The following NRXN1 variants were observed in gnomAD, a reference collection of about 807,000 sequenced individuals.
NRXN1 encodes the protein neurexin 1.
Under a neutral mutation model 150.9 loss-of-function variants are expected in NRXN1, and 39 were observed. That is an observed-to-expected ratio of 0.26 (90% CI 0.20 to 0.34). NRXN1 has a LOEUF of 0.34. NRXN1 is among the 10% of genes least tolerant of loss of function. NRXN1 has a pLI of 1.00. For missense variants in NRXN1, 1,815 were observed against 1,949.9 expected (o/e 0.93, Z 1.30); for synonymous variants, 924 against 757.0 (o/e 1.22, Z -3.62).
chr2:50,781,647 G>C (rs1218388634), intron 5 of NRXN1, among the ~76,000 whole-genome samples: 1 of 152,200 alleles, frequency 6.6e-6, no homozygotes, highest in Non-Finnish European at 1.5e-5. Flanking sequence ...ACTTTCTAAA[G>C]AGGTTATATA....
At chr2:50,565,190 G>A (rs1392464307) in intron 8 of NRXN1, among the ~76,000 whole-genome samples, 1 of 151,994 alleles carries the variant, frequency 6.6e-6, no homozygotes, top group Non-Finnish European at 1.5e-5. Flanking sequence ...ATAACTTTAG[G>A]AGAGAAGCAG....
chr2:50,229,208 G>A (rs183902026), intron 18 of NRXN1, among the ~76,000 whole-genome samples: 1 of 151,978 alleles, frequency 6.6e-6, no homozygotes, highest in African/African-American at 2.4e-5. Context: ...GGATTCTAAT[G>A]CTGTAGAATC....
intron 17 of NRXN1, among the ~76,000 whole-genome samples, chr2:50,412,179 G>C (rs1659116839): frequency 6.6e-6 from 1 of 151,972 alleles, no homozygotes; most frequent in Admixed American, 6.6e-5. Flanking sequence ...CACTGCAGAA[G>C]GCGGCAGGGC....
intron 18 of NRXN1, among the ~76,000 whole-genome samples, chr2:50,128,677 A>T: frequency 6.6e-6 from 1 of 152,134 alleles, no homozygotes; most frequent in South Asian, 2.1e-4. Context: ...AATAAGCAGG[A>T]TGTTAAAAAC....
chr2:50,483,700 T>C (rs1448212300), intron 15 of NRXN1, among the ~76,000 whole-genome samples: 1 of 152,190 alleles, frequency 6.6e-6, no homozygotes, highest in Non-Finnish European at 1.5e-5. Context: ...ACTTCAGCGT[T>C]TGACTCCCAG....
At chr2:50,911,933 G>A (rs1043468528) in intron 5 of NRXN1, among the ~76,000 whole-genome samples, 1 of 151,336 alleles carries the variant, frequency 6.6e-6, no homozygotes, top group South Asian at 2.1e-4. Context: ...AGGGATGAAG[G>A]GTAGATCTAA....
At chr2:50,421,018 GTT>G (rs1476836917) in intron 17 of NRXN1, among the ~76,000 whole-genome samples, 2 of 122,446 alleles carry the variant, frequency 1.6e-5, no homozygotes, top group Non-Finnish European at 3.4e-5. Context: ...GTGTGTGTGT[GTT>G]TCACATTGTT....
chr2:50,319,468 A>C (rs2075854698), intron 17 of NRXN1, among the ~76,000 whole-genome samples: 1 of 152,120 alleles, frequency 6.6e-6, no homozygotes, highest in South Asian at 2.1e-4. Flanking sequence ...AACTTGACTG[A>C]CCTGCAGCAA....
intron 18 of NRXN1, among the ~76,000 whole-genome samples, chr2:50,192,668 G>A (rs993961937): frequency 1.3e-5 from 2 of 152,146 alleles, no homozygotes; most frequent in African/African-American, 2.4e-5. Context: ...GTGTAGTGGT[G>A]CAATCTCTGC....
intron 18 of NRXN1, among the ~76,000 whole-genome samples, chr2:50,124,151 C>T (rs780879186): frequency 1.2e-4 from 19 of 152,040 alleles, no homozygotes; most frequent in Non-Finnish European, 1.0e-4. Flanking sequence ...CTCTAGAAGT[C>T]AAGTGAACAA....
chr2:50,103,732 T>C (rs1251773407), intron 18 of NRXN1, among the ~76,000 whole-genome samples: 1 of 151,996 alleles, frequency 6.6e-6, no homozygotes, highest in African/African-American at 2.4e-5. Flanking sequence ...CTGGAGGCTC[T>C]TTGAGGTCAT....
At chr2:50,222,291 G>A (rs2063958791) in intron 18 of NRXN1, among the ~76,000 whole-genome samples, 1 of 151,950 alleles carries the variant, frequency 6.6e-6, no homozygotes. Flanking sequence ...AAGGGGGGTT[G>A]GTTTCACCGC....
intron 17 of NRXN1, among the ~76,000 whole-genome samples, chr2:50,405,508 T>C (rs1399958662): frequency 1.3e-5 from 2 of 151,938 alleles, no homozygotes; most frequent in Non-Finnish European, 2.9e-5. Flanking sequence ...ATAAAGAAAA[T>C]AAAACAAAAC....
rs1009468955 is a variant in NRXN1, at chr2:50,775,054, C to G, written c.832+146815G>C. ...ACTTTGCATTCCTACTGCTCTACTC[C>G]ATCCTTTGCTTTAAGCACAAATTAG... On this transcript the variant is annotated intron_variant, in intron 5 of 22. Coordinates refer to ENST00000401669, the MANE Select transcript of NRXN1 (RefSeq NM_001330078.2). Among the ~76,000 whole-genome samples the G allele has an allele frequency of 4.6e-5, 7 of 152,196 alleles. No homozygotes were observed. The South Asian group carries it at 1.5e-3, about 32-fold the overall frequency.
intron 18 of NRXN1, among the ~76,000 whole-genome samples, chr2:50,180,633 G>A (rs2060648780): frequency 6.6e-6 from 1 of 152,048 alleles, no homozygotes; most frequent in Admixed American, 6.6e-5. Context: ...TTCCCTCTGG[G>A]GGATACAGCA....
intron 22 of NRXN1, among the ~76,000 whole-genome samples, chr2:49,929,383 G>T (rs76983143): frequency 6.6e-6 from 1 of 152,116 alleles, no homozygotes; most frequent in African/African-American, 2.4e-5. Context: ...TATTCACTAT[G>T]TTGTAAACTA....
At chr2:51,012,468 T>C (rs1432777189) in intron 2 of NRXN1, among the ~76,000 whole-genome samples, 1 of 152,100 alleles carries the variant, frequency 6.6e-6, no homozygotes, top group Non-Finnish European at 1.5e-5. Flanking sequence ...GAGGATATCA[T>C]TAACAATATC....
At chr2:50,602,583 TTTCC>T (rs565969265) in intron 8 of NRXN1, among the ~76,000 whole-genome samples, 28 of 151,916 alleles carry the variant, frequency 1.8e-4, no homozygotes, top group East Asian at 7.8e-4. Context: ...CAAAAGGAAG[TTTCC>T]TTCCTTCCTT....
intron 19 of NRXN1, among the ~76,000 whole-genome samples, chr2:50,089,718 A>G (rs1699293885): frequency 6.6e-6 from 1 of 151,842 alleles, no homozygotes; most frequent in Non-Finnish European, 1.5e-5. Context: ...TGAGCCCAGG[A>G]GTTTGAGGTT....
Sources: allele counts gnomAD v4.1 joint callset (sites outside exome capture counted in the v4.1 genomes callset), GRCh38; gene constraint gnomAD v4.1.1; transcripts MANE v1.5; gene names NCBI Gene and HGNC (gene_info 2026-07-23, HGNC 2026-07-21).